SASH1: variants seen among roughly 807,000 people sequenced by gnomAD.
SASH1 encodes the protein SAM and SH3 domain containing 1, also known as SAM and SH3 domain-containing protein 1.
In SASH1, 44 loss-of-function variants were observed where a neutral mutation model predicts 125.2. The observed-to-expected ratio is 0.35, with a 90% CI of 0.28 to 0.45. The LOEUF is 0.45. Ranked by LOEUF, SASH1 falls within the 20% of genes least tolerant of loss-of-function variation. The probability of loss-of-function intolerance (pLI) is 1.00; values close to 1 mark genes in which losing one functional copy is unlikely to be tolerated. For synonymous variants in SASH1, 639 were observed against 649.1 expected (o/e 0.98, Z 0.24); for missense variants, 1,426 against 1,614.5 (o/e 0.88, Z 2.00).
chr6:148,510,195 G>A (rs1780038290), intron 8 of SASH1, among the ~76,000 whole-genome samples: 1 of 152,188 alleles, frequency 6.6e-6, no homozygotes, highest in Non-Finnish European at 1.5e-5. Flanking sequence ...ATTAAAAGTT[G>A]AGCCATATGG....
chr6:148,496,439 G>A (rs1372125470), intron 8 of SASH1, among the ~76,000 whole-genome samples: 1 of 152,164 alleles, frequency 6.6e-6, no homozygotes, highest in East Asian at 1.9e-4. Flanking sequence ...AATATGACCA[G>A]GAGAAAGAAG....
At chr6:148,255,888 C>T in the SASH1 span, among the ~76,000 whole-genome samples, 20 of 152,230 alleles carry the variant, frequency 1.3e-4, no homozygotes, top group Non-Finnish European at 2.4e-4. Flanking sequence ...GCAATCTACC[C>T]GCCTCGGCCT....
At chr6:148,534,625 AC>A (rs1163394408) in intron 15 of SASH1, 125 bp from the exon 16 acceptor site, 2 of 903,186 alleles carry the variant, frequency 2.2e-6, no homozygotes, top group Non-Finnish European at 3.6e-6. Context: ...AATGATACTT[AC>A]TAATCTTTTG....
intron 1 of SASH1, among the ~76,000 whole-genome samples, chr6:148,373,740 T>TG (rs373596432): frequency 0.024 from 3,586 of 151,854 alleles, 58 homozygotes; most frequent in African/African-American, 0.051. Context: ...GAGGCCAAGG[T>TG]GGGGGGGATC....
the SASH1 span, among the ~76,000 whole-genome samples, chr6:148,263,735 G>C: frequency 6.6e-6 from 1 of 152,138 alleles, no homozygotes; most frequent in Non-Finnish European, 1.5e-5. Flanking sequence ...AGGGAAAAGA[G>C]AGTTGGACTT....
At chr6:148,514,790 G>A (rs1486348010) in intron 9 of SASH1, among the ~76,000 whole-genome samples, 2 of 152,166 alleles carry the variant, frequency 1.3e-5, no homozygotes, top group African/African-American at 4.8e-5. Context: ...TTTCACATGA[G>A]CCTCCAATCC....
chr6:148,315,675 G>A (rs772712898), intron 1 of SASH1, among the ~76,000 whole-genome samples: 1 of 152,148 alleles, frequency 6.6e-6, no homozygotes, highest in Non-Finnish European at 1.5e-5. Flanking sequence ...AGGCCCAGGC[G>A]AGAGGATTGC....
At chr6:148,308,397 CTT>C (rs200563796) in intron 1 of SASH1, among the ~76,000 whole-genome samples, 1,484 of 139,304 alleles carry the variant, frequency 0.011, 20 homozygotes, top group African/African-American at 0.036. Context: ...AACTTAGGAG[CTT>C]TTTTTTTTTT....
rs1352169508 is a variant in SASH1, at chr6:148,527,447, T to G, written c.1285-6T>G. ...CCAACAATACTTGCAACATTTTGTTTTACAGGGTAAAGAAGGAGACTTTGT... is the reference window on the plus strand; with the variant it reads ...CCAACAATACTTGCAACATTTTGTTGTACAGGGTAAAGAAGGAGACTTTGT... On this transcript the variant is annotated splice_region_variant and splice_polypyrimidine_tract_variant and intron_variant, in intron 11 of 19. Coordinates refer to ENST00000367467, the MANE Select transcript of SASH1 (RefSeq NM_015278.5). 9 of 1,569,016 alleles carry G rather than the reference T, an allele frequency of 5.7e-6. No homozygotes were observed. The highest frequency in any genetic ancestry group is 6.9e-6 in the Non-Finnish European group (8 of 1,164,218).
At chr6:148,534,111 C>A in intron 15 of SASH1, 131 bp downstream of exon 15, 1 of 682,440 alleles carries the variant, frequency 1.5e-6, no homozygotes, top group Non-Finnish European at 2.5e-6. Context: ...CAGCTCGTTA[C>A]TATGATGAGC....
intron 10 of SASH1, among the ~76,000 whole-genome samples, chr6:148,523,975 T>G (rs1417106826): frequency 6.6e-6 from 1 of 151,854 alleles, no homozygotes; most frequent in Admixed American, 6.6e-5. Flanking sequence ...AGAGTGTAAG[T>G]ACTTTACCTG....
chr6:148,422,729 GA>G, intron 2 of SASH1, among the ~76,000 whole-genome samples: 1 of 152,074 alleles, frequency 6.6e-6, no homozygotes, highest in South Asian at 2.1e-4. Context: ...CACTATACAA[GA>G]ACAGAAACAT....
At chr6:148,196,128 A>G in the SASH1 span, among the ~76,000 whole-genome samples, 4 of 152,196 alleles carry the variant, frequency 2.6e-5, no homozygotes, top group Non-Finnish European at 5.9e-5. Flanking sequence ...GAGTTCTCTC[A>G]TCATTTTTTG....
At chr6:148,385,419 C>G (rs1180927748) in intron 1 of SASH1, among the ~76,000 whole-genome samples, 1 of 152,160 alleles carries the variant, frequency 6.6e-6, no homozygotes, top group Non-Finnish European at 1.5e-5. Context: ...TTGTGAAATA[C>G]ATATTTGGTC....
the SASH1 span, among the ~76,000 whole-genome samples, chr6:148,219,313 A>G: frequency 1.1e-4 from 16 of 151,814 alleles, no homozygotes; most frequent in Admixed American, 6.6e-5. Flanking sequence ...AACGTTGCCA[A>G]TCTCCTTGTT....
intron 1 of SASH1, among the ~76,000 whole-genome samples, chr6:148,328,778 C>CTTTA (rs1780910393): frequency 6.6e-6 from 1 of 152,104 alleles, no homozygotes; most frequent in Admixed American, 6.6e-5. Context: ...ATTGATTTGT[C>CTTTA]CCCTTGCTGT....
intron 1 of SASH1, among the ~76,000 whole-genome samples, chr6:148,326,381 T>TATATATACA (rs1562326352): frequency 2.4e-4 from 17 of 72,040 alleles, no homozygotes; most frequent in Non-Finnish European, 3.2e-4. Context: ...TATACATTCT[T>TATATATACA]TTCTTTTCTT....
At chr6:148,354,730 G>A (rs1480367908) in intron 1 of SASH1, among the ~76,000 whole-genome samples, 1 of 152,088 alleles carries the variant, frequency 6.6e-6, no homozygotes, top group Non-Finnish European at 1.5e-5. Flanking sequence ...AGAACTATAA[G>A]CCTGTAATGA....
Position 148,539,001 on chromosome 6 carries a change from C to G in SASH1, c.2096-1442C>G, listed in dbSNP as rs555971934. On this transcript the variant is annotated intron_variant, in intron 16 of 19. Coordinates refer to ENST00000367467, the MANE Select transcript of SASH1 (RefSeq NM_015278.5). The stretch of plus-strand genomic sequence containing the variant: ...CTCCATGTGCCCTTTCTACAACATG[C>G]CGGGTGATGCTGCTAGGGTGTTGAA... 1.1e-3 allele frequency among the ~76,000 whole-genome samples: 167 copies of G among 152,242 alleles called. 1 individual carries two copies. The highest frequency in any genetic ancestry group is 3.7e-3 in the African/African-American group (154 of 41,528).
Sources: gnomAD v4.1 joint callset for allele counts (sites outside exome capture counted in the v4.1 genomes callset) on GRCh38, gnomAD v4.1.1 for gene constraint, MANE v1.5 for transcripts, NCBI Gene and HGNC (gene_info 2026-07-23, HGNC 2026-07-21) for gene names.